Variants in ANKS1B observed in about 807,000 individuals in gnomAD.
The protein encoded by ANKS1B is ankyrin repeat and sterile alpha motif domain-containing protein 1B.
Under a neutral mutation model 148.3 loss-of-function variants are expected in ANKS1B, and 36 were observed. That is an observed-to-expected ratio of 0.24 (90% confidence interval 0.19 to 0.32). The LOEUF (loss-of-function observed/expected upper bound fraction) is 0.32. Ranked by LOEUF, ANKS1B falls within the 10% of genes least tolerant of loss-of-function variation. ANKS1B has a pLI of 1.00. For missense variants in ANKS1B, 1,157 were observed against 1,542.6 expected, an observed-to-expected ratio of 0.75 and a Z score of 4.19; for synonymous variants, 542 against 560.8, an observed-to-expected ratio of 0.97 and a Z score of 0.47.
intron 14 of ANKS1B, among the ~76,000 whole-genome samples, chr12:99,232,303 C>T (rs778985909): frequency 3.3e-5 from 5 of 152,068 alleles, no homozygotes; most frequent in Non-Finnish European, 7.4e-5. Flanking sequence ...GAAGAAAATG[C>T]CAGCCTTAAA....
intron 8 of ANKS1B, among the ~76,000 whole-genome samples, chr12:99,717,417 T>G (rs1351559837): frequency 6.6e-6 from 1 of 152,230 alleles, no homozygotes; most frequent in Non-Finnish European, 1.5e-5. Context: ...TAAACCGCAG[T>G]GGCCAGGTGT....
intron 12 of ANKS1B, among the ~76,000 whole-genome samples, chr12:99,396,076 T>C (rs913604040): frequency 2.0e-5 from 3 of 152,112 alleles, no homozygotes; most frequent in African/African-American, 7.2e-5. Flanking sequence ...AAAACAAAAA[T>C]AATATTAAGC....
intron 10 of ANKS1B, among the ~76,000 whole-genome samples, chr12:99,464,309 A>G (rs28839223): frequency 0.056 from 8,463 of 152,162 alleles, 802 homozygotes; most frequent in African/African-American, 0.19. Flanking sequence ...CATCATCAAA[A>G]ACCAAAAGTA....
At chr12:99,500,568 A>G (rs2152994506) in intron 10 of ANKS1B, among the ~76,000 whole-genome samples, 1 of 152,294 alleles carries the variant, frequency 6.6e-6, no homozygotes, top group African/African-American at 2.4e-5. Flanking sequence ...AGCAAAATAA[A>G]TGACTGATGT....
intron 12 of ANKS1B, among the ~76,000 whole-genome samples, chr12:99,312,918 A>T (rs1172937345): frequency 2.0e-5 from 3 of 152,148 alleles, no homozygotes. Context: ...GAAATAACTA[A>T]GATGAGAGCA....
At chr12:99,723,343 G>T (rs1318672457) in intron 8 of ANKS1B, among the ~76,000 whole-genome samples, 6 of 152,124 alleles carry the variant, frequency 3.9e-5, no homozygotes, top group Admixed American at 3.3e-4. Flanking sequence ...GTTCCGAGAG[G>T]GGTCCCCCGC....
intron 16 of ANKS1B, chr12:99,079,952 A>C (rs1342465178): frequency 6.6e-6 from 1 of 152,230 alleles, no homozygotes; most frequent in Non-Finnish European, 1.5e-5. Flanking sequence ...ATGAATTTGC[A>C]CAGGCAACCC....
chr12:98,886,263 T>G (rs1297172605), intron 17 of ANKS1B, among the ~76,000 whole-genome samples: 3 of 152,070 alleles, frequency 2.0e-5, no homozygotes, highest in Non-Finnish European at 4.4e-5. Flanking sequence ...GGAAGCAAAT[T>G]AAGGACTAAA....
intron 8 of ANKS1B, among the ~76,000 whole-genome samples, chr12:99,668,216 G>A (rs1432412553): frequency 1.3e-5 from 2 of 150,776 alleles, no homozygotes; most frequent in Non-Finnish European, 3.0e-5. Flanking sequence ...CCTAATTTAG[G>A]TCTTTCAAAT....
At chr12:98,913,985 A>G (rs531874581) in intron 17 of ANKS1B, among the ~76,000 whole-genome samples, 1 of 152,274 alleles carries the variant, frequency 6.6e-6, no homozygotes, top group Admixed American at 6.5e-5. Flanking sequence ...CTCAGGCCAA[A>G]ATCCATGGGC....
intron 17 of ANKS1B, among the ~76,000 whole-genome samples, chr12:99,034,958 G>T (rs2099954572): frequency 6.6e-6 from 1 of 152,178 alleles, no homozygotes; most frequent in Non-Finnish European, 1.5e-5. Flanking sequence ...TACCACCTCA[G>T]TTTGGGCGAT....
At chr12:99,045,920 T>A (rs1598931715) in intron 17 of ANKS1B, among the ~76,000 whole-genome samples, 1 of 152,032 alleles carries the variant, frequency 6.6e-6, no homozygotes, top group African/African-American at 2.4e-5. Flanking sequence ...GTGGCTAGAG[T>A]TTGCCAGGCA....
In ANKS1B at chr12:99,984,417, C is replaced by T; in HGVS notation, c.-180G>A. 1.8e-6 allele frequency: 1 copy of T among 546,562 alleles called. No homozygotes were observed. Among genetic ancestry groups the T allele is most frequent in the South Asian group, 3.1e-5 (1 of 32,380 alleles). The allele number at this position is 546,562 out of a possible 1,614,324, so 33.9% of individuals were successfully genotyped here. A position where few individuals can be genotyped will look rare whatever the true frequency, so the allele number is the denominator to read the frequency against. ...CACGACTCTCTCCTCCTCTTCGGGGCGCAGCTTTTACAATGGGGATCAGAC... is the reference window on the plus strand; with the variant it reads ...CACGACTCTCTCCTCCTCTTCGGGGTGCAGCTTTTACAATGGGGATCAGAC... On this transcript the variant is annotated 5_prime_UTR_variant, in exon 1 of 27. Transcript: ENST00000683438.
intron 1 of ANKS1B, among the ~76,000 whole-genome samples, chr12:99,838,238 G>A (rs113627438): frequency 1.3e-5 from 2 of 152,118 alleles, no homozygotes; most frequent in South Asian, 2.1e-4. Flanking sequence ...AAACATACAA[G>A]TGCAAGTATC....
intron 17 of ANKS1B, among the ~76,000 whole-genome samples, chr12:98,852,273 A>T (rs886218525): frequency 9.2e-5 from 14 of 152,268 alleles, no homozygotes; most frequent in Admixed American, 9.2e-4. Flanking sequence ...TTGCTGAATG[A>T]ATAAATGAAT....
chr12:99,026,961 G>T (rs1047354442), intron 17 of ANKS1B, among the ~76,000 whole-genome samples: 1 of 152,204 alleles, frequency 6.6e-6, no homozygotes, highest in Non-Finnish European at 1.5e-5. Flanking sequence ...ATGCGGGGAT[G>T]AATCCTTTTG....
chr12:99,805,824 A>G (rs968640133), intron 4 of ANKS1B, among the ~76,000 whole-genome samples: 9 of 151,830 alleles, frequency 5.9e-5, no homozygotes, highest in African/African-American at 1.9e-4. Context: ...TTAGTTATGT[A>G]TAAACAGTAC....
rs1057085186 is a variant in ANKS1B, at chr12:99,400,665, C to G, written c.1576-854G>C. 4.8e-5 allele frequency among the ~76,000 whole-genome samples: 7 copies of G among 144,850 alleles called. 2 individuals are homozygous for G. Among genetic ancestry groups the G allele is most frequent in the Admixed American group, 3.5e-4 (5 of 14,478 alleles). On this transcript the variant is annotated intron_variant, in intron 11 of 26. Transcript: ENST00000683438. ...TGTGTGTTTTTCCCAGGATTCAACT[C>G]TACCTTTCTTACTTTTTATTTTTTA...
intron 25 of ANKS1B, among the ~76,000 whole-genome samples, chr12:98,764,079 C>T (rs1276269545): frequency 6.6e-6 from 1 of 152,208 alleles, no homozygotes; most frequent in Non-Finnish European, 1.5e-5. Flanking sequence ...GACTGGCCTG[C>T]CTGGGAGGAA....
Sources: allele counts gnomAD v4.1 joint callset (sites outside exome capture counted in the v4.1 genomes callset), GRCh38; gene constraint gnomAD v4.1.1; transcripts MANE v1.5; gene names NCBI Gene and HGNC (gene_info 2026-07-23, HGNC 2026-07-21).